KIF19: variants seen among roughly 807,000 people sequenced by gnomAD.
KIF19 encodes kinesin family member 19, also known as kinesin-like protein KIF19.
A neutral mutation model predicts 106.6 loss-of-function variants in KIF19; 98 were observed. The ratio of observed to expected loss-of-function variants is 0.92; its 90% CI spans 0.78 to 1.09. The LOEUF (loss-of-function observed/expected upper bound fraction) is 1.09. Among genes scored for constraint, KIF19 ranks in the 50% least tolerant of loss-of-function variants. The probability of loss-of-function intolerance (pLI) is 0.00; values close to 1 mark genes in which losing one functional copy is unlikely to be tolerated. For missense variants in KIF19, 1,373 were observed against 1,414.3 expected (o/e 0.97, Z 0.47); for synonymous variants, 516 against 584.2 (o/e 0.88, Z 1.68).
rs2054631420 is a variant in KIF19 at position 74,349,448 on chromosome 17, T to C, written c.1213+99T>C. The C allele has an allele frequency of 9.2e-6, 12 of 1,301,708 alleles. No homozygotes were observed. In the East Asian group the frequency reaches 3.1e-4, roughly 34 times the overall value. 80.6% of individuals were successfully genotyped at this position (1,301,708 alleles called of 1,614,324 possible). On this transcript the variant is annotated intron_variant, in intron 10 of 19. Coordinates refer to ENST00000389916, the MANE Select transcript of KIF19 (RefSeq NM_153209.4). ...GTGTTCAAATCCAGAATCGGGCTCT[T>C]TCTGGCTGGGTGGTTGAGCTAGGCA...
At position 74,341,896 on chromosome 17, in the gene KIF19, A is replaced by T. The variant is rs1045575460; in HGVS notation, c.141A>T (p.Pro47=). The change falls in exon 3 of 20, where the codon CCA becomes CCT. Residue 47 remains proline (P), a synonymous_variant. Coordinates refer to ENST00000389916, the MANE Select transcript of KIF19 (RefSeq NM_153209.4). The part of the protein sequence containing the change: ...VDEQMVVLMD[P]MEDPDDILRA... ...TGCAGATGGTGGTTCTCATGGACCC[A>T]ATGGAGGATCCCGACGACATCCTGC... The T allele has an allele frequency of 6.2e-7, 1 of 1,613,550 alleles. No individual in the cohort carries two copies. Among genetic ancestry groups the T allele is most frequent in the Non-Finnish European group, 8.5e-7 (1 of 1,179,788 alleles).
chr17:74,339,989 C>T (rs1282869611), intron 2 of KIF19, among the ~76,000 whole-genome samples: 1 of 152,196 alleles, frequency 6.6e-6, no homozygotes. Context: ...CACCCCTGCC[C>T]TCTTAACAGC....
intron 8 of KIF19, among the ~76,000 whole-genome samples, chr17:74,347,474 T>G (rs1567913483): frequency 6.6e-6 from 1 of 150,862 alleles, no homozygotes. Context: ...GAGGTGGAGG[T>G]TGCAGTGAGC....
At chr17:74,351,314 C>G (rs1355144179) in intron 12 of KIF19, 1 of 116,520 alleles carries the variant, frequency 8.6e-6, no homozygotes. Flanking sequence ...GAAATCCCGT[C>G]TTTACTAAAA....
chr17:74,355,416 C>T lies in KIF19; in HGVS notation c.*104C>T. ...CAGATGGAGATGACCAGGAAGTAAG[C>T]TCAGGATCTCAGCAGGCCAGGGCTC... On this transcript the variant is annotated 3_prime_UTR_variant, in exon 20 of 20. Coordinates refer to ENST00000389916, the MANE Select transcript of KIF19 (RefSeq NM_153209.4). 2.2e-6 allele frequency: 3 copies of T among 1,381,916 alleles called. No individual in the cohort carries two copies. Among genetic ancestry groups the T allele is most frequent in the Non-Finnish European group, 2.9e-6 (3 of 1,045,924 alleles). 85.6% of individuals were successfully genotyped at this position (1,381,916 alleles called of 1,614,324 possible).
chr17:74,354,107 G>T, intron 17 of KIF19, 55 bp from the exon 18 acceptor site: 2 of 1,537,970 alleles, frequency 1.3e-6, no homozygotes. Flanking sequence ...GTCAGAGGAG[G>T]GTGTTGAGAG....
chr17:74,342,984 C>CGCCCCCCCCCCG, intron 4 of KIF19, 40 bp from the exon 5 acceptor site: 1 of 1,547,836 alleles, frequency 6.5e-7, no homozygotes, highest in South Asian at 1.2e-5. Context: ...GCCTCCCTCC[C>CGCCCCCCCCCCG]AGCCCCACCC....
At chr17:74,337,424 G>A (rs946802834) in intron 2 of KIF19, among the ~76,000 whole-genome samples, 2 of 152,184 alleles carry the variant, frequency 1.3e-5, no homozygotes, top group East Asian at 3.9e-4. Flanking sequence ...GTGCAGTGAA[G>A]AGCCTTGGCA....
chr17:74,333,079 G>A (rs948841172), intron 2 of KIF19, among the ~76,000 whole-genome samples: 1 of 152,362 alleles, frequency 6.6e-6, no homozygotes. Context: ...AAGTGCTGCG[G>A]GAGCAGCTGT....
At chr17:74,335,416 A>G (rs926242443) in intron 2 of KIF19, among the ~76,000 whole-genome samples, 5 of 152,222 alleles carry the variant, frequency 3.3e-5, no homozygotes, top group African/African-American at 7.2e-5. Context: ...TGTGCAAAGT[A>G]TTTCTCACCT....
chr17:74,350,599 C>T (rs1465548374), intron 11 of KIF19, 24 bp downstream of exon 11: 1 of 1,611,052 alleles, frequency 6.2e-7, no homozygotes, highest in Non-Finnish European at 8.5e-7. Context: ...CCAGGACCCT[C>T]CAGGCCCCAC....
intron 2 of KIF19, among the ~76,000 whole-genome samples, chr17:74,339,449 G>T (rs985254743): frequency 1.3e-5 from 2 of 150,942 alleles, no homozygotes; most frequent in Non-Finnish European, 2.9e-5. Flanking sequence ...TACCTCCCTC[G>T]CCACCTTCCC....
Position 74,350,977 on chromosome 17 carries a change from G to A in KIF19, c.1587+72G>A, listed in dbSNP as rs1460860457. On this transcript the variant is annotated intron_variant, in intron 12 of 19. Coordinates refer to ENST00000389916, the MANE Select transcript of KIF19 (RefSeq NM_153209.4). ...GTGAGCAGGTTTGAGAGGCAAGGCG[G>A]AGGGGCCAGGGTGGGGGTAGCCGTG... 2.7e-6 allele frequency: 4 copies of A among 1,504,778 alleles called. No individual in the cohort carries two copies. The African/African-American group carries it at 5.5e-5, about 21-fold the overall frequency. 93.2% of individuals were successfully genotyped at this position (1,504,778 alleles called of 1,614,324 possible).
intron 2 of KIF19, among the ~76,000 whole-genome samples, chr17:74,332,210 T>TGTTTG (rs1567897631): frequency 0.012 from 1,263 of 108,766 alleles, 15 homozygotes; most frequent in South Asian, 0.019. Flanking sequence ...GTGTGTGTGT[T>TGTTTG]TGTGTGTGTG....
At position 74,354,506 on chromosome 17, in the gene KIF19, G is replaced by A; in HGVS notation, c.2653G>A (p.Glu885Lys). The A allele has an allele frequency of 6.2e-7, 1 of 1,604,610 alleles. No homozygotes were observed. The highest frequency in any genetic ancestry group is 8.5e-7 in the Non-Finnish European group (1 of 1,176,212). ...GGGCAAGAAAAGGGAGGAGTCGCTG[G>A]AGGCAAAGAGAAGGAAGCGGAGGTC... ...SLGKKREESL[E>K]AKRRKRRSRS... Residue 885 changes from glutamate (E) to lysine (K), a missense_variant, in exon 18 of 20, where the codon GAG becomes AAG. Physicochemically the swap from Glu to Lys is moderately conservative, Grantham distance 56. Around this residue, in one of 3 missense-constraint regions of KIF19, gnomAD observed 1,020 missense variants for 1,008.2 expected, o/e 1.01. Transcript: ENST00000389916.
At chr17:74,342,046 C>A in intron 3 of KIF19, 60 bp downstream of exon 3, 5 of 1,293,882 alleles carry the variant, frequency 3.9e-6, no homozygotes, top group Non-Finnish European at 5.6e-6. Context: ...TAGCCCCACT[C>A]AGGAGGGGCC....
In KIF19 at chr17:74,354,166, G is replaced by T; in HGVS notation, c.2313G>T (p.Arg771Ser). The part of the protein sequence containing the change: ...LSEIPLSHKE[R>S]KEILTGTKCI... ...GTTCCCCGTGTCCCGCTGCAGAGAG[G>T]AAGGAGATCCTGACTGGCACCAAGT... Residue 771 changes from arginine to serine, a missense_variant, in exon 18 of 20, where the codon AGG becomes AGT. Transcript: ENST00000389916. The T allele has an allele frequency of 6.2e-7, 1 of 1,605,934 alleles. No individual in the cohort carries two copies. The highest frequency in any genetic ancestry group is 8.5e-7 in the Non-Finnish European group (1 of 1,177,862).
chr17:74,343,251 C>T (rs939128417), intron 5 of KIF19, 91 bp downstream of exon 5: 5 of 1,304,108 alleles, frequency 3.8e-6, no homozygotes, highest in Non-Finnish European at 5.3e-6. Flanking sequence ...TCACTGCTGC[C>T]CTCCTGCATG....
rs575725989 is a variant in KIF19 at position 74,355,458 on chromosome 17, G to A, written c.*146G>A. Reference sequence around the variant, plus strand: ...CCAGGGCTCCTGAGACCCAGGAACTGGGGTCTCTGCCCAACCCTCCCATGC... The same window carrying A: ...CCAGGGCTCCTGAGACCCAGGAACTAGGGTCTCTGCCCAACCCTCCCATGC... On this transcript the variant is annotated 3_prime_UTR_variant, in exon 20 of 20. Transcript: ENST00000389916. 1.3e-4 allele frequency: 136 copies of A among 1,066,376 alleles called. No homozygotes were observed. Among genetic ancestry groups the A allele is most frequent in the Non-Finnish European group, 1.6e-4 (125 of 770,380 alleles). 66.1% of individuals were successfully genotyped at this position (1,066,376 alleles called of 1,614,324 possible).
Sources: allele counts gnomAD v4.1 joint callset (sites outside exome capture counted in the v4.1 genomes callset), GRCh38; gene constraint gnomAD v4.1.1; regional missense constraint gnomAD v4.1.1; transcripts MANE v1.5; gene names NCBI Gene and HGNC (gene_info 2026-07-23, HGNC 2026-07-21).